Variants in PDE4D observed in about 807,000 individuals in gnomAD.
The protein encoded by PDE4D is 3',5'-cyclic-AMP phosphodiesterase 4D.
Under a neutral mutation model 87.4 loss-of-function variants are expected in PDE4D, and 24 were observed. The ratio of observed to expected loss-of-function variants is 0.27; its 90% CI spans 0.20 to 0.39. The LOEUF (loss-of-function observed/expected upper bound fraction) is 0.39, where lower values mean the gene tolerates loss of function less well. PDE4D is among the 10% of genes least tolerant of loss of function. The pLI, the probability that PDE4D is intolerant of heterozygous loss-of-function variation, is 1.00. For synonymous variants in PDE4D, 384 were observed against 383.2 expected (o/e 1.00, Z -0.02); for missense variants, 714 against 1,041.0 (o/e 0.69, Z 4.32).
At chr5:59,136,131 A>G (rs1301931106) in intron 5 of PDE4D, among the ~76,000 whole-genome samples, 2 of 152,236 alleles carry the variant, frequency 1.3e-5, no homozygotes, top group African/African-American at 2.4e-5. Context: ...ATCCATAAAA[A>G]ATAAACTCCT....
chr5:59,142,732 C>A (rs568628469), intron 5 of PDE4D, among the ~76,000 whole-genome samples: 1 of 152,074 alleles, frequency 6.6e-6, no homozygotes, highest in Non-Finnish European at 1.5e-5. Context: ...GTTAGGAGAT[C>A]GAGTGAAACC....
At chr5:59,658,996 G>T (rs1744815694) in intron 1 of PDE4D, among the ~76,000 whole-genome samples, 1 of 152,092 alleles carries the variant, frequency 6.6e-6, no homozygotes, top group South Asian at 2.1e-4. Flanking sequence ...GAGTGCCTCT[G>T]TCTCTCTAAA....
intron 1 of PDE4D, among the ~76,000 whole-genome samples, chr5:59,475,833 CA>C (rs1195054501): frequency 6.6e-6 from 1 of 151,938 alleles, no homozygotes; most frequent in Non-Finnish European, 1.5e-5. Context: ...CTACTCATGG[CA>C]AAAAGGAAAT....
intron 1 of PDE4D, among the ~76,000 whole-genome samples, chr5:59,771,732 T>A (rs1763607462): frequency 6.6e-6 from 1 of 152,226 alleles, no homozygotes; most frequent in South Asian, 2.1e-4. Flanking sequence ...ACTTTGTTAA[T>A]GATCACAATT....
At chr5:59,780,686 A>G (rs1354378178) in intron 1 of PDE4D, among the ~76,000 whole-genome samples, 2 of 152,314 alleles carry the variant, frequency 1.3e-5, no homozygotes, top group East Asian at 3.9e-4. Flanking sequence ...AGCAAAATCA[A>G]TGGTCTATAG....
intron 1 of PDE4D, among the ~76,000 whole-genome samples, chr5:59,291,462 G>A (rs1012670612): frequency 1.3e-5 from 2 of 151,846 alleles, no homozygotes; most frequent in Admixed American, 1.3e-4. Context: ...GGGATACTTA[G>A]CGGGTATAAA....
chr5:60,078,634 G>A (rs1325319693), intron 2 of PDE4D, among the ~76,000 whole-genome samples: 3 of 152,122 alleles, frequency 2.0e-5, no homozygotes, highest in Admixed American at 6.5e-5. Context: ...GAGAATAAGT[G>A]GTGTTCAGTT....
At chr5:60,511,517 TTAA>T (rs150885033) in intron 1 of PDE4D, among the ~76,000 whole-genome samples, 4,232 of 147,732 alleles carry the variant, frequency 0.029, 145 homozygotes, top group African/African-American at 0.078. Flanking sequence ...CTATAGAAAT[TTAA>T]TAATAATAAT....
At chr5:59,197,880 C>A (rs184594981) in intron 2 of PDE4D, among the ~76,000 whole-genome samples, 1 of 152,110 alleles carries the variant, frequency 6.6e-6, no homozygotes, top group African/African-American at 2.4e-5. Flanking sequence ...CCCACAGAAG[C>A]TTTTTAAAGC....
intron 2 of PDE4D, among the ~76,000 whole-genome samples, chr5:60,102,922 T>A (rs1272626274): frequency 1.3e-5 from 2 of 151,114 alleles, no homozygotes; most frequent in Non-Finnish European, 2.9e-5. Context: ...TCACACTAAA[T>A]CCATTTTTAG....
At chr5:59,298,656 A>C (rs1486023583) in intron 1 of PDE4D, among the ~76,000 whole-genome samples, 1 of 152,244 alleles carries the variant, frequency 6.6e-6, no homozygotes, top group Non-Finnish European at 1.5e-5. Context: ...CAGAAGTGGT[A>C]ATTGAAAGTG....
intron 1 of PDE4D, among the ~76,000 whole-genome samples, chr5:59,334,135 GT>G (rs1222755053): frequency 6.7e-6 from 1 of 148,906 alleles, no homozygotes; most frequent in Admixed American, 6.7e-5. Context: ...AAATTTAATA[GT>G]TTTTTTAAAT....
At chr5:59,388,228 C>A (rs541469199) in intron 1 of PDE4D, among the ~76,000 whole-genome samples, 2 of 152,116 alleles carry the variant, frequency 1.3e-5, no homozygotes, top group Non-Finnish European at 2.9e-5. Context: ...AGAAGCCATA[C>A]CAATGGCCAA....
Position 59,275,391 on chromosome 5 carries a change from A to C in PDE4D, c.456-59423T>G, listed in dbSNP as rs752963327. ...TTGTAGATCGGGATCTTGGCTTCATAATAATGCTCATTTTGAAAAAAAATA... is the reference window on the plus strand; with the variant it reads ...TTGTAGATCGGGATCTTGGCTTCATCATAATGCTCATTTTGAAAAAAAATA... On this transcript the variant is annotated intron_variant, in intron 1 of 14. Coordinates refer to ENST00000340635, the MANE Select transcript of PDE4D (RefSeq NM_001104631.2). 9.4e-6 allele frequency: 15 copies of C among 1,596,866 alleles called. No individual in the cohort carries two copies. The South Asian group carries it at 1.6e-4, about 18-fold the overall frequency.
chr5:59,782,645 G>A (rs1198717297), intron 1 of PDE4D, among the ~76,000 whole-genome samples: 1 of 152,150 alleles, frequency 6.6e-6, no homozygotes, highest in Admixed American at 6.5e-5. Context: ...AGATTATAAA[G>A]GAATTTAAAG....
chr5:59,480,755 A>G (rs114276479), intron 1 of PDE4D, among the ~76,000 whole-genome samples: 3,780 of 152,238 alleles, frequency 0.025, 74 homozygotes, highest in Non-Finnish European at 0.036. Flanking sequence ...TCACTCATTC[A>G]TTTATTGAGC....
chr5:60,210,690 T>A (rs1477965169), intron 1 of PDE4D, among the ~76,000 whole-genome samples: 1 of 152,124 alleles, frequency 6.6e-6, no homozygotes, highest in African/African-American at 2.4e-5. Context: ...TTTTAAAACC[T>A]ATTTCAAACC....
chr5:59,054,130 C>T (rs1762001273), intron 5 of PDE4D, among the ~76,000 whole-genome samples: 1 of 151,976 alleles, frequency 6.6e-6, no homozygotes, highest in South Asian at 2.1e-4. Flanking sequence ...TATACCTGTC[C>T]ACCTTGAAAG....
At chr5:59,789,843 C>T (rs1012841807) in intron 1 of PDE4D, among the ~76,000 whole-genome samples, 2 of 152,110 alleles carry the variant, frequency 1.3e-5, no homozygotes, top group Non-Finnish European at 2.9e-5. Context: ...CATCCAGAAC[C>T]AAAGTTATGT....
Sources: gnomAD v4.1 joint callset for allele counts (sites outside exome capture counted in the v4.1 genomes callset) on GRCh38, gnomAD v4.1.1 for gene constraint, MANE v1.5 for transcripts, NCBI Gene and HGNC (gene_info 2026-07-23, HGNC 2026-07-21) for gene names.